CHD4: variants seen among roughly 807,000 people sequenced by gnomAD.
CHD4 encodes ATP-dependent chromatin remodeler CHD4.
CHD4 carries 35 observed loss-of-function variants against 235.5 expected under a neutral mutation model. The observed-to-expected ratio is 0.15, with a 90% CI of 0.11 to 0.20. The LOEUF is 0.20. Ranked by LOEUF, CHD4 falls within the 10% of genes least tolerant of loss-of-function variation. CHD4 has a pLI of 1.00. For synonymous variants in CHD4, 900 were observed against 850.2 expected (o/e 1.06, Z -1.02); for missense variants, 1,329 against 2,432.3 (o/e 0.55, Z 9.54).
At chr12:6,601,898 T>C in intron 4 of CHD4, 62 bp downstream of exon 4, 1 of 1,579,654 alleles carries the variant, frequency 6.3e-7, no homozygotes, top group Middle Eastern at 1.7e-4. Flanking sequence ...GGCAGTAAGG[T>C]GTCTAGGAAA....
In CHD4 at chr12:6,597,987, T is replaced by C; in HGVS notation, c.1799A>G (p.Asn600Ser). The change falls in exon 12 of 40, where the codon AAC (asparagine) becomes AGC (serine). Residue 600 changes from asparagine to serine, a missense_variant. This residue lies in a region of CHD4 where 121 missense variants were observed against 177.8 expected (regional missense o/e 0.68). Transcript: ENST00000544040. ...GDEEKSRKRK[N>S]KDPKFAEMEE... ...CATCTCTGCAAATTTAGGGTCCTTG[T>C]TCTTTCGCTTTCGGCTTTTCTCTTC... 6.2e-7 allele frequency: 1 copy of C among 1,614,226 alleles called. No homozygotes were observed. Among genetic ancestry groups the C allele is most frequent in the Admixed American group, 1.7e-5 (1 of 60,022 alleles).
chr12:6,605,775 A>T lies in CHD4; in HGVS notation c.100+499T>A, dbSNP rs149386734. 3.4e-3 allele frequency among the ~76,000 whole-genome samples: 519 copies of T among 152,288 alleles called. 1 individual carries two copies. The highest frequency in any genetic ancestry group is 0.012 in the African/African-American group (508 of 41,546). ...GCGATTCAAACTTCACACAGTTCAG[A>T]CAGCACAGAAAACCGGTAACCGATC... On this transcript the variant is annotated intron_variant, in intron 2 of 39. Transcript: ENST00000544040.
chr12:6,579,822 C>G (rs945753713), intron 33 of CHD4, among the ~76,000 whole-genome samples: 24 of 150,894 alleles, frequency 1.6e-4, no homozygotes, highest in African/African-American at 5.9e-4. Context: ...TTTGGGAGGC[C>G]AAAGCGGGCG....
In CHD4 at chr12:6,583,573, A is replaced by T. The variant is rs568745135; in HGVS notation, c.3880-195T>A. 264 of 528,200 alleles carry T rather than the reference A, an allele frequency of 5.0e-4. 1 individual carries two copies. The highest frequency in any genetic ancestry group is 4.6e-3 in the African/African-American group (241 of 52,176). 32.7% of individuals were successfully genotyped at this position (528,200 alleles called of 1,614,324 possible). On this transcript the variant is annotated intron_variant, in intron 25 of 39. Transcript: ENST00000544040. ...AGCTCCTCATAATTACATATAGATT[A>T]GCAGTCAGCATAACTCAAGAAAAAC...
rs914029117 is a variant in CHD4 at position 6,604,926 on chromosome 12, C to A, written c.100+1348G>T. Among the ~76,000 whole-genome samples, 27 of 152,116 alleles carry A rather than the reference C, an allele frequency of 1.8e-4. 1 individual carries two copies. The highest frequency in any genetic ancestry group is 3.8e-4 in the Non-Finnish European group (26 of 68,022). ...TTAGGCAGCACTACTGTTTCTCATG[C>A]CCCTCTCAGAAGGACAGGGTCCCCT... On this transcript the variant is annotated intron_variant, in intron 2 of 39. Transcript: ENST00000544040.
At chr12:6,600,720 C>G in intron 7 of CHD4, 51 bp from the exon 8 acceptor site, 1 of 1,601,654 alleles carries the variant, frequency 6.2e-7, no homozygotes, top group Non-Finnish European at 8.5e-7. Context: ...AGGGGAAGGA[C>G]AGAGTGGCAG....
In CHD4 at chr12:6,583,185, C is replaced by T. The variant is rs1377253562; in HGVS notation, c.4060+13G>A. On this transcript the variant is annotated intron_variant, in intron 26 of 39. Transcript: ENST00000544040. ...ACGGCCCATGGGTGGGGGGCGGGGC[C>T]GGCCACACACACCTCGGTCCTCCTG... The T allele has an allele frequency of 8.7e-6, 14 of 1,613,754 alleles. No individual in the cohort carries two copies. The highest frequency in any genetic ancestry group is 3.3e-5 in the South Asian group (3 of 91,054).
intron 12 of CHD4, among the ~76,000 whole-genome samples, chr12:6,596,587 G>A (rs914436120): frequency 6.6e-6 from 1 of 151,246 alleles, no homozygotes; most frequent in Non-Finnish European, 1.5e-5. Flanking sequence ...ATCACCTGAG[G>A]TCGGGAGTTC....
intron 38 of CHD4, chr12:6,572,825 G>T (rs1947999291): frequency 3.1e-6 from 1 of 322,016 alleles, no homozygotes; most frequent in African/African-American, 2.2e-5. Flanking sequence ...CTCCCAAAGT[G>T]CTGGGATTAG....
intron 2 of CHD4, 96 bp downstream of exon 2, chr12:6,606,178 G>A (rs1366197312): frequency 1.2e-6 from 1 of 813,874 alleles, no homozygotes. Flanking sequence ...TCTGCACAGA[G>A]ACAGCGGAGC....
chr12:6,594,783 A>G, intron 14 of CHD4, 133 bp from the exon 15 acceptor site: 1 of 735,700 alleles, frequency 1.4e-6, no homozygotes, highest in Non-Finnish European at 2.2e-6. Flanking sequence ...GAGGGAAGAG[A>G]TCCCCTATGA....
intron 37 of CHD4, 148 bp from the exon 38 acceptor site, chr12:6,573,417 A>G (rs185197241): frequency 3.9e-6 from 2 of 518,446 alleles, no homozygotes; most frequent in Non-Finnish European, 6.2e-6. Flanking sequence ...ACACCCAAGT[A>G]GTTTAACTTT....
intron 2 of CHD4, among the ~76,000 whole-genome samples, chr12:6,604,610 C>G (rs1387873145): frequency 1.3e-5 from 2 of 151,968 alleles, no homozygotes; most frequent in Non-Finnish European, 2.9e-5. Context: ...CCCATAAAAG[C>G]TGGAAGTGGA....
At chr12:6,604,958 C>A (rs905349994) in intron 2 of CHD4, among the ~76,000 whole-genome samples, 1 of 152,142 alleles carries the variant, frequency 6.6e-6, no homozygotes, top group Non-Finnish European at 1.5e-5. Flanking sequence ...CCCTTACCAG[C>A]ACCACAACTC....
chr12:6,605,545 A>G (rs1324711047), intron 2 of CHD4, among the ~76,000 whole-genome samples: 2 of 152,172 alleles, frequency 1.3e-5, no homozygotes, highest in Non-Finnish European at 2.9e-5. Flanking sequence ...CTGCCAGCCT[A>G]AACCGCAGGC....
intron 35 of CHD4, 23 bp downstream of exon 35, chr12:6,578,386 T>G: frequency 6.2e-7 from 1 of 1,609,016 alleles, no homozygotes; most frequent in Non-Finnish European, 8.5e-7. Context: ...CTTCTAACCC[T>G]GGTGGGCCCC....
chr12:6,579,350 C>T (rs1340812127), intron 33 of CHD4: 3 of 198,538 alleles, frequency 1.5e-5, no homozygotes, highest in East Asian at 1.7e-4. Flanking sequence ...TATGGGAGGC[C>T]GAGATGGGTG....
chr12:6,592,252 C>T (rs1948413929), intron 19 of CHD4, 141 bp downstream of exon 19: 2 of 1,282,666 alleles, frequency 1.6e-6, no homozygotes, highest in African/African-American at 1.5e-5. Flanking sequence ...CTATGCGCTC[C>T]AGCGCCCTAG....
chr12:6,595,243 G>T, intron 14 of CHD4, 91 bp downstream of exon 14: 1 of 1,087,516 alleles, frequency 9.2e-7, no homozygotes. Context: ...GTTACTATCT[G>T]CATTTCATTA....
Sources: allele counts gnomAD v4.1 joint callset (sites outside exome capture counted in the v4.1 genomes callset), GRCh38; gene constraint gnomAD v4.1.1; regional missense constraint gnomAD v4.1.1; transcripts MANE v1.5; gene names NCBI Gene and HGNC (gene_info 2026-07-23, HGNC 2026-07-21).